The following NRF1 variants were observed in gnomAD, a reference collection of about 807,000 sequenced individuals.
The protein encoded by NRF1 is nuclear respiratory factor 1.
Under a neutral mutation model 58.5 loss-of-function variants are expected in NRF1, and 5 were observed. That is an observed-to-expected ratio of 0.09 (90% confidence interval 0.04 to 0.18). The LOEUF (loss-of-function observed/expected upper bound fraction) is 0.18. NRF1 is among the 10% of genes least tolerant of loss of function. The probability of loss-of-function intolerance (pLI) is 1.00; values close to 1 mark genes in which losing one functional copy is unlikely to be tolerated. For synonymous variants in NRF1, 224 were observed against 246.7 expected (o/e 0.91, Z 0.86); for missense variants, 288 against 657.7 (o/e 0.44, Z 6.15).
intron 1 of NRF1, among the ~76,000 whole-genome samples, chr7:129,637,744 T>G (rs1005421517): frequency 6.6e-6 from 1 of 152,212 alleles, no homozygotes. Context: ...TATTTCATCC[T>G]TTAAGACAAG....
chr7:129,619,394 GTGTA>G (rs55701424), intron 1 of NRF1, among the ~76,000 whole-genome samples: 7,114 of 46,002 alleles, frequency 0.15, 562 homozygotes, highest in East Asian at 0.34. Flanking sequence ...CTTGGCATAC[GTGTA>G]TATATATATA....
At chr7:129,706,864 T>A (rs931671155) in intron 5 of NRF1, among the ~76,000 whole-genome samples, 1 of 152,208 alleles carries the variant, frequency 6.6e-6, no homozygotes, top group Non-Finnish European at 1.5e-5. Context: ...TCCAGGTGGA[T>A]CTGAGCAGAC....
At chr7:129,634,041 A>AAAAAAAAAATATAT (rs1163693215) in intron 1 of NRF1, among the ~76,000 whole-genome samples, 4 of 113,778 alleles carry the variant, frequency 3.5e-5, no homozygotes, top group African/African-American at 1.5e-4. Flanking sequence ...AAAAAAAAAA[A>AAAAAAAAAATATAT]AGATATATAT....
intron 5 of NRF1, among the ~76,000 whole-genome samples, chr7:129,691,930 C>T (rs961882162): frequency 1.8e-4 from 28 of 152,150 alleles, no homozygotes; most frequent in Non-Finnish European, 1.6e-4. Flanking sequence ...GGTCCTCACA[C>T]GCCCCAAACA....
intron 2 of NRF1, 110 bp downstream of exon 2, chr7:129,657,684 A>G (rs1562961853): frequency 1.5e-6 from 1 of 679,092 alleles, no homozygotes; most frequent in East Asian, 2.7e-5. Context: ...ATCATGATTC[A>G]CTGCAGCCTT....
chr7:129,698,597 A>G (rs1766445267), intron 5 of NRF1, among the ~76,000 whole-genome samples: 1 of 152,106 alleles, frequency 6.6e-6, no homozygotes, highest in Admixed American at 6.6e-5. Context: ...TCAGGTTAGT[A>G]AATTTCTTTT....
intron 5 of NRF1, among the ~76,000 whole-genome samples, chr7:129,693,679 T>A: frequency 6.6e-6 from 1 of 152,210 alleles, no homozygotes; most frequent in East Asian, 1.9e-4. Flanking sequence ...TTTACTGTCT[T>A]TTTACAGTTT....
At chr7:129,712,798 C>T (rs1339177870) in intron 8 of NRF1, among the ~76,000 whole-genome samples, 1 of 152,160 alleles carries the variant, frequency 6.6e-6, no homozygotes, top group Non-Finnish European at 1.5e-5. Flanking sequence ...TGACAGGACA[C>T]TTACTTTCTA....
chr7:129,728,491 A>C (rs1394587956), intron 10 of NRF1, among the ~76,000 whole-genome samples: 1 of 144,666 alleles, frequency 6.9e-6, no homozygotes, highest in Non-Finnish European at 1.5e-5. Flanking sequence ...AAAAAAAAAA[A>C]AAACCAATCC....
chr7:129,612,161 G>A (rs1352928120), intron 1 of NRF1, among the ~76,000 whole-genome samples: 3 of 150,796 alleles, frequency 2.0e-5, no homozygotes, highest in Non-Finnish European at 4.4e-5. Flanking sequence ...GGAACCCGGG[G>A]CCCGGCCTTC....
intron 3 of NRF1, among the ~76,000 whole-genome samples, chr7:129,673,225 A>C (rs752272680): frequency 6.6e-6 from 1 of 152,172 alleles, no homozygotes; most frequent in Non-Finnish European, 1.5e-5. Flanking sequence ...AAAGATTGGA[A>C]TAGCTTTAAG....
At chr7:129,642,587 G>A (rs551666406) in intron 1 of NRF1, among the ~76,000 whole-genome samples, 1 of 152,024 alleles carries the variant, frequency 6.6e-6, no homozygotes, top group South Asian at 2.1e-4. Context: ...AAAACCAACT[G>A]TATAAGAAAC....
chr7:129,691,364 A>ATTATTT (rs368047646), intron 5 of NRF1, among the ~76,000 whole-genome samples: 1 of 134,172 alleles, frequency 7.5e-6, no homozygotes, highest in African/African-American at 2.8e-5. Flanking sequence ...TATTATTATT[A>ATTATTT]TTTTTTTTTT....
At chr7:129,612,633 G>T (rs1800562539) in intron 1 of NRF1, among the ~76,000 whole-genome samples, 2 of 152,218 alleles carry the variant, frequency 1.3e-5, no homozygotes, top group African/African-American at 4.8e-5. Context: ...TGGTCCCCTG[G>T]GTGAGGGAGA....
intron 1 of NRF1, among the ~76,000 whole-genome samples, chr7:129,628,504 AAAC>A (rs749361378): frequency 1.3e-5 from 2 of 152,164 alleles, no homozygotes; most frequent in Non-Finnish European, 2.9e-5. Context: ...ATTTTATGAA[AAAC>A]AACTTTTTCA....
chr7:129,735,746 C>T lies in NRF1; in HGVS notation c.1348+8381C>T, dbSNP rs554044414. ...TAAGACCACCGGGCGCGGTGGCTGA[C>T]GCCTGTAATCCCAGCACTTTGGGAG... On this transcript the variant is annotated intron_variant, in intron 10 of 10. Coordinates refer to ENST00000393232, the MANE Select transcript of NRF1 (RefSeq NM_005011.5). Among the ~76,000 whole-genome samples, 19 of 152,186 alleles carry T rather than the reference C, an allele frequency of 1.2e-4. 1 individual carries two copies. Among genetic ancestry groups the T allele is most frequent in the African/African-American group, 3.4e-4 (14 of 41,494 alleles).
chr7:129,649,379 G>GT (rs1166731387), intron 1 of NRF1, among the ~76,000 whole-genome samples: 1 of 152,038 alleles, frequency 6.6e-6, no homozygotes, highest in Non-Finnish European at 1.5e-5. Flanking sequence ...AGTTCTTGTG[G>GT]TTTTTCTTTT....
At chr7:129,617,401 T>A (rs898653343) in intron 1 of NRF1, among the ~76,000 whole-genome samples, 3 of 152,134 alleles carry the variant, frequency 2.0e-5, no homozygotes, top group African/African-American at 7.2e-5. Flanking sequence ...TAAAACTGTT[T>A]GCGCAGTGGA....
intron 4 of NRF1, among the ~76,000 whole-genome samples, chr7:129,681,724 C>T (rs1015837409): frequency 2.0e-5 from 3 of 152,128 alleles, no homozygotes; most frequent in African/African-American, 7.2e-5. Context: ...TAGGCAGGTG[C>T]CGCCACACCC....
Sources: gnomAD v4.1 joint callset for allele counts (sites outside exome capture counted in the v4.1 genomes callset) on GRCh38, gnomAD v4.1.1 for gene constraint, MANE v1.5 for transcripts, NCBI Gene and HGNC (gene_info 2026-07-23, HGNC 2026-07-21) for gene names.